The following PSMD1 variants were observed in gnomAD, a reference collection of about 807,000 sequenced individuals.
The protein encoded by PSMD1 is proteasome 26S subunit, non-ATPase 1.
PSMD1 carries 18 observed loss-of-function variants against 119.0 expected under a neutral mutation model. The ratio of observed to expected loss-of-function variants is 0.15; its 90% CI spans 0.10 to 0.22. The LOEUF is 0.22. Ranked by LOEUF, PSMD1 falls within the 10% of genes least tolerant of loss-of-function variation. The pLI, the probability that PSMD1 is intolerant of heterozygous loss-of-function variation, is 1.00. For missense variants in PSMD1, 702 were observed against 1,158.5 expected, an observed-to-expected ratio of 0.61 and a Z score of 5.72; for synonymous variants, 374 against 396.6, an observed-to-expected ratio of 0.94 and a Z score of 0.68.
At chr2:231,109,028 G>C in intron 16 of PSMD1, 1 of 1,614,218 alleles carries the variant, frequency 6.2e-7, no homozygotes, top group Non-Finnish European at 8.5e-7. Context: ...GGTCTGCACT[G>C]ACTTTTTCCC....
intron 18 of PSMD1, among the ~76,000 whole-genome samples, chr2:231,151,942 A>G (rs1394791016): frequency 6.7e-6 from 1 of 149,816 alleles, no homozygotes; most frequent in Non-Finnish European, 1.5e-5. Flanking sequence ...CCTCCTGAGT[A>G]GCTGGGATTA....
At chr2:231,079,424 T>C in intron 10 of PSMD1, 112 bp from the exon 11 acceptor site, 1 of 548,502 alleles carries the variant, frequency 1.8e-6, no homozygotes, top group Non-Finnish European at 3.1e-6. Context: ...ATCCACAAAG[T>C]AATTTGGAAG....
chr2:231,074,684 G>A (rs888162232), intron 7 of PSMD1, among the ~76,000 whole-genome samples: 4 of 152,108 alleles, frequency 2.6e-5, no homozygotes, highest in African/African-American at 9.6e-5. Flanking sequence ...TTACTTTGAT[G>A]CTTTTCTGTA....
chr2:231,069,305 ACT>A lies in PSMD1; in HGVS notation c.511-717_511-716del, dbSNP rs200054551. ...ACCTACTCTTACTACTTGTGATATA[ACT>A]CTGTTATTTTTAAATTGTATTTTTT... On this transcript the variant is annotated intron_variant, in intron 5 of 24. Transcript: ENST00000308696. 7.7e-3 allele frequency among the ~76,000 whole-genome samples: 1,167 copies of A among 151,770 alleles called. 22 individuals carry two copies. The highest frequency in any genetic ancestry group is 0.027 in the African/African-American group (1,117 of 41,468).
chr2:231,094,046 C>T (rs1213587145), intron 16 of PSMD1, among the ~76,000 whole-genome samples: 3 of 152,098 alleles, frequency 2.0e-5, no homozygotes, highest in African/African-American at 7.2e-5. Context: ...GATACATGTA[C>T]ATATCTTTGT....
intron 16 of PSMD1, among the ~76,000 whole-genome samples, chr2:231,102,125 G>GT (rs1694883278): frequency 6.6e-6 from 1 of 152,074 alleles, no homozygotes; most frequent in South Asian, 2.1e-4. Flanking sequence ...GTCTGGCTAT[G>GT]TTTTTTAACT....
chr2:231,141,583 ATT>A (rs113740529), intron 17 of PSMD1, among the ~76,000 whole-genome samples: 5 of 142,778 alleles, frequency 3.5e-5, no homozygotes, highest in Non-Finnish European at 3.1e-5. Context: ...TGCCAGGCTA[ATT>A]TTTTTTTTTT....
intron 16 of PSMD1, chr2:231,109,101 G>A (rs775934590): frequency 2.2e-5 from 35 of 1,614,036 alleles, no homozygotes; most frequent in African/African-American, 9.3e-5. Flanking sequence ...TTGTCCTTTC[G>A]AGAACCATCC....
rs546438119 is a variant in PSMD1 at position 231,131,478 on chromosome 2, C to T, written c.1884-7258C>T. On this transcript the variant is annotated intron_variant, in intron 16 of 24. Transcript: ENST00000308696. The stretch of plus-strand genomic sequence containing the variant: ...ATCATTGCTTAGAAAGTTTTTTTGC[C>T]CTTGCCGGGCGCGGTGGCTCACGCC... 1.2e-3 allele frequency among the ~76,000 whole-genome samples: 131 copies of T among 106,562 alleles called. 34 individuals are homozygous for T. The highest frequency in any genetic ancestry group is 1.7e-3 in the Non-Finnish European group (102 of 60,132). 69.9% of individuals were successfully genotyped at this position (106,562 alleles called of 152,430 possible).
chr2:231,062,888 T>G (rs182333336), intron 4 of PSMD1, among the ~76,000 whole-genome samples: 12 of 152,190 alleles, frequency 7.9e-5, no homozygotes, highest in Non-Finnish European at 4.4e-5. Flanking sequence ...ACCAGTCCAG[T>G]GAGCCTACTG....
intron 4 of PSMD1, among the ~76,000 whole-genome samples, chr2:231,063,746 A>G (rs1030277040): frequency 6.6e-6 from 1 of 152,240 alleles, no homozygotes; most frequent in African/African-American, 2.4e-5. Flanking sequence ...GATGGACCGT[A>G]TTATTTGAAA....
rs771521988 is a variant in PSMD1, at chr2:231,072,352, C to T, written c.818C>T (p.Thr273Ile). ...ATCCAGAATCTTCGAACTGTTGGCA[C>T]CCCTATTGCTTCTGTGCCTGGATCC... ...SVIQNLRTVG[T>I]PIASVPGSTN... The change falls in exon 7 of 25, where the codon ACC (threonine) becomes ATC (isoleucine). Residue 273 changes from threonine to isoleucine, a missense_variant. This residue lies in a region of PSMD1 where 69 missense variants were observed against 71.6 expected (regional missense o/e 0.96). Coordinates refer to ENST00000308696, the MANE Select transcript of PSMD1 (RefSeq NM_002807.4). 5 of 1,613,944 alleles carry T rather than the reference C, an allele frequency of 3.1e-6. No homozygotes were observed. The East Asian group carries it at 8.9e-5, about 29-fold the overall frequency.
intron 16 of PSMD1, among the ~76,000 whole-genome samples, chr2:231,117,089 T>C (rs1695368759): frequency 6.6e-6 from 1 of 152,074 alleles, no homozygotes; most frequent in African/African-American, 2.4e-5. Context: ...CTAGAGACTT[T>C]CATTCTAAAA....
chr2:231,096,100 GTTCT>G (rs1481594325), intron 16 of PSMD1, among the ~76,000 whole-genome samples: 1 of 152,170 alleles, frequency 6.6e-6, no homozygotes, highest in African/African-American at 2.4e-5. Flanking sequence ...TAGCGGCTCC[GTTCT>G]TTCTAATGCT....
At chr2:231,165,036 A>C (rs181202209) in intron 21 of PSMD1, 164 bp from the exon 22 acceptor site, 1 of 9,558 alleles carries the variant, frequency 1.0e-4, no homozygotes, top group South Asian at 4.2e-3. Flanking sequence ...ATATATATTT[A>C]TATATATATA....
intron 16 of PSMD1, among the ~76,000 whole-genome samples, chr2:231,102,358 G>A (rs1559230682): frequency 1.3e-5 from 2 of 152,028 alleles, no homozygotes; most frequent in Non-Finnish European, 2.9e-5. Context: ...AACAATACGG[G>A]AGTTAGCATC....
At chr2:231,172,130 G>T (rs992811621) in intron 24 of PSMD1, among the ~76,000 whole-genome samples, 3 of 152,154 alleles carry the variant, frequency 2.0e-5, no homozygotes, top group African/African-American at 7.2e-5. Flanking sequence ...TTTCAGCCTT[G>T]ATAGTTTCCT....
At chr2:231,109,196 G>C (rs759508310) in intron 16 of PSMD1, 16 of 1,614,202 alleles carry the variant, frequency 9.9e-6, no homozygotes, top group Non-Finnish European at 1.3e-5. Flanking sequence ...TAGGCGTTGA[G>C]GTGGCTTGTT....
At chr2:231,131,977 G>C (rs569212321) in intron 16 of PSMD1, among the ~76,000 whole-genome samples, 24 of 152,108 alleles carry the variant, frequency 1.6e-4, no homozygotes, top group South Asian at 1.5e-3. Context: ...GTTAGATTGA[G>C]ACACTGTCAG....
Sources: gnomAD v4.1 joint callset for allele counts (sites outside exome capture counted in the v4.1 genomes callset) on GRCh38, gnomAD v4.1.1 for gene constraint, gnomAD v4.1.1 regional missense constraint, MANE v1.5 for transcripts, NCBI Gene and HGNC (gene_info 2026-07-23, HGNC 2026-07-21) for gene names.